MOB3B: variants seen among roughly 807,000 people sequenced by gnomAD.
MOB3B encodes MOB kinase activator-like 2B.
In MOB3B, 7 loss-of-function variants were observed where a neutral mutation model predicts 18.7. That is an observed-to-expected ratio of 0.37 (90% CI 0.21 to 0.70). MOB3B has a LOEUF of 0.70. Ranked by LOEUF, MOB3B falls within the 30% of genes least tolerant of loss-of-function variation. The pLI is 0.52. For synonymous variants in MOB3B, 111 were observed against 99.9 expected, an observed-to-expected ratio of 1.11 and a Z score of -0.66; for missense variants, 253 against 281.3, an observed-to-expected ratio of 0.90 and a Z score of 0.72.
chr9:27,343,177 C>G (rs1563845186), intron 3 of MOB3B, among the ~76,000 whole-genome samples: 1 of 151,470 alleles, frequency 6.6e-6, no homozygotes, highest in African/African-American at 2.4e-5. Flanking sequence ...AACTTTACCC[C>G]CAACCCCGTG....
intron 2 of MOB3B, chr9:27,397,542 C>G (rs186723414): frequency 6.6e-6 from 1 of 152,286 alleles, no homozygotes; most frequent in East Asian, 1.9e-4. Flanking sequence ...CCTCCAATGG[C>G]TCTAATGAGT....
At chr9:27,346,276 T>C (rs537426095) in intron 3 of MOB3B, among the ~76,000 whole-genome samples, 13 of 152,216 alleles carry the variant, frequency 8.5e-5, no homozygotes, top group Non-Finnish European at 1.6e-4. Context: ...AGTGCATTTC[T>C]GTTGTTTATA....
intron 1 of MOB3B, among the ~76,000 whole-genome samples, chr9:27,511,962 G>A (rs909549089): frequency 1.3e-5 from 2 of 151,922 alleles, no homozygotes; most frequent in African/African-American, 4.8e-5. Flanking sequence ...CTGTGGCCAT[G>A]TGACTAAGTT....
intron 3 of MOB3B, among the ~76,000 whole-genome samples, chr9:27,347,536 T>A (rs369898672): frequency 3.3e-5 from 5 of 152,072 alleles, no homozygotes; most frequent in East Asian, 1.9e-4. Context: ...ACTTCTAGGG[T>A]AGGGTGGTGA....
At chr9:27,345,705 C>T (rs1443828547) in intron 3 of MOB3B, among the ~76,000 whole-genome samples, 1 of 152,240 alleles carries the variant, frequency 6.6e-6, no homozygotes, top group African/African-American at 2.4e-5. Context: ...TGAGCTACAG[C>T]AGCACCTAGG....
intron 2 of MOB3B, among the ~76,000 whole-genome samples, chr9:27,434,325 C>T (rs1822461893): frequency 6.6e-6 from 1 of 152,142 alleles, no homozygotes; most frequent in Non-Finnish European, 1.5e-5. Context: ...TCATGAATAC[C>T]AGTCTCCACT....
intron 1 of MOB3B, among the ~76,000 whole-genome samples, chr9:27,496,971 C>T (rs1239499097): frequency 6.6e-6 from 1 of 152,220 alleles, no homozygotes; most frequent in Non-Finnish European, 1.5e-5. Context: ...ATATGGCCCA[C>T]ACTTTTCCCA....
chr9:27,418,958 C>G (rs1285911024), intron 2 of MOB3B, among the ~76,000 whole-genome samples: 6 of 151,334 alleles, frequency 4.0e-5, no homozygotes, highest in Non-Finnish European at 5.9e-5. Context: ...AGCAACATTT[C>G]TGGATACAAG....
intron 1 of MOB3B, among the ~76,000 whole-genome samples, chr9:27,460,556 G>C (rs2131455802): frequency 6.6e-6 from 1 of 152,320 alleles, no homozygotes; most frequent in South Asian, 2.1e-4. Context: ...TCACTCCTGA[G>C]AGATCCATCT....
intron 1 of MOB3B, among the ~76,000 whole-genome samples, chr9:27,507,674 G>A (rs1169989733): frequency 6.6e-6 from 1 of 152,238 alleles, no homozygotes; most frequent in African/African-American, 2.4e-5. Flanking sequence ...CTGTTAGGCT[G>A]AGTCCCCTCA....
At chr9:27,487,153 A>AAATAAATAAATT (rs1241652908) in intron 1 of MOB3B, among the ~76,000 whole-genome samples, 1 of 22,846 alleles carries the variant, frequency 4.4e-5, no homozygotes, top group Non-Finnish European at 2.5e-4. Context: ...ATAAATAAAT[A>AAATAAATAAATT]AAATAAATAA....
At chr9:27,478,738 G>T (rs552398814) in intron 1 of MOB3B, among the ~76,000 whole-genome samples, 8 of 151,626 alleles carry the variant, frequency 5.3e-5, no homozygotes, top group East Asian at 1.9e-4. Context: ...TAAAAGCTGA[G>T]AATTTAATAG....
At chr9:27,376,198 T>C (rs1821487796) in intron 2 of MOB3B, among the ~76,000 whole-genome samples, 1 of 152,224 alleles carries the variant, frequency 6.6e-6, no homozygotes, top group Admixed American at 6.5e-5. Context: ...TCACACAGAC[T>C]CAGCAATTAT....
chr9:27,490,342 GACAC>G (rs1819797313), intron 1 of MOB3B, among the ~76,000 whole-genome samples: 1 of 152,116 alleles, frequency 6.6e-6, no homozygotes, highest in Non-Finnish European at 1.5e-5. Context: ...ATTAGACACA[GACAC>G]ACACACTCAC....
chr9:27,514,923 C>G (rs747089813), intron 1 of MOB3B, among the ~76,000 whole-genome samples: 4 of 152,178 alleles, frequency 2.6e-5, no homozygotes, highest in Non-Finnish European at 4.4e-5. Context: ...GGTCTTCGCT[C>G]AGGACATCTC....
chr9:27,433,732 A>G (rs938306279), intron 2 of MOB3B, among the ~76,000 whole-genome samples: 1 of 152,164 alleles, frequency 6.6e-6, no homozygotes, highest in African/African-American at 2.4e-5. Flanking sequence ...TTCCATGCAT[A>G]TTGAAGGTGC....
Position 27,328,065 on chromosome 9 carries a change from A to AG in MOB3B, c.*2521_*2522insC, listed in dbSNP as rs897037687. On this transcript the variant is annotated 3_prime_UTR_variant, in exon 4 of 4. Transcript: ENST00000262244. ...AAATAGGGAGAGACCCCTTCTCTTA[A>AG]AAAAAAAAAAGGAAGAAAAGAAAAC... The AG allele has an allele frequency of 6.8e-6, 1 of 146,112 alleles. No individual in the cohort carries two copies. The highest frequency in any genetic ancestry group is 2.5e-5 in the African/African-American group (1 of 40,294). 9.1% of individuals were successfully genotyped at this position (146,112 alleles called of 1,614,324 possible).
chr9:27,471,923 G>A (rs1047551967), intron 1 of MOB3B, among the ~76,000 whole-genome samples: 2 of 152,124 alleles, frequency 1.3e-5, no homozygotes, highest in South Asian at 4.1e-4. Flanking sequence ...GGTTAGCAGC[G>A]GGTCTGGCAC....
intron 1 of MOB3B, among the ~76,000 whole-genome samples, chr9:27,527,599 G>A (rs1239316403): frequency 6.6e-6 from 1 of 152,208 alleles, no homozygotes; most frequent in Non-Finnish European, 1.5e-5. Context: ...AGATCATAAT[G>A]TTCCTACAGA....
Sources: gnomAD v4.1 joint callset for allele counts (sites outside exome capture counted in the v4.1 genomes callset) on GRCh38, gnomAD v4.1.1 for gene constraint, MANE v1.5 for transcripts, NCBI Gene and HGNC (gene_info 2026-07-23, HGNC 2026-07-21) for gene names.